Variants in AFF3 observed in about 807,000 individuals in gnomAD.
AFF3 encodes the protein AF4/FMR2 family member 3.
A neutral mutation model predicts 129.7 loss-of-function variants in AFF3; 32 were observed. That is an observed-to-expected ratio of 0.25 (90% CI 0.19 to 0.33). The LOEUF is 0.33. Among genes scored for constraint, AFF3 ranks in the 10% least tolerant of loss-of-function variants. The probability of loss-of-function intolerance (pLI) is 1.00; values close to 1 mark genes in which losing one functional copy is unlikely to be tolerated. For missense variants in AFF3, 1,373 were observed against 1,592.0 expected (o/e 0.86, Z 2.34); for synonymous variants, 644 against 635.4 (o/e 1.01, Z -0.20).
intron 4 of AFF3, among the ~76,000 whole-genome samples, chr2:100,011,986 C>A (rs149436087): frequency 1.8e-3 from 274 of 152,136 alleles, no homozygotes; most frequent in African/African-American, 6.1e-3. Context: ...GAAGGATACC[C>A]CAAAGCACTC....
At chr2:99,664,464 T>C (rs934636377) in intron 12 of AFF3, among the ~76,000 whole-genome samples, 6 of 152,270 alleles carry the variant, frequency 3.9e-5, no homozygotes, top group South Asian at 4.1e-4. Context: ...AGTTTCAATA[T>C]AGCTTGATGT....
intron 4 of AFF3, among the ~76,000 whole-genome samples, chr2:100,101,397 T>A (rs1690714938): frequency 6.7e-6 from 1 of 149,212 alleles, no homozygotes; most frequent in African/African-American, 2.5e-5. Context: ...TTCTTAGGGA[T>A]TAAGATTCTC....
chr2:99,803,103 T>C (rs943748090), intron 8 of AFF3, among the ~76,000 whole-genome samples: 6 of 152,306 alleles, frequency 3.9e-5, no homozygotes, highest in African/African-American at 1.4e-4. Flanking sequence ...ATGTGGCTTT[T>C]ATTATTTTGA....
intron 9 of AFF3, among the ~76,000 whole-genome samples, chr2:99,747,116 C>T (rs886835390): frequency 1.3e-5 from 2 of 150,570 alleles, no homozygotes; most frequent in Non-Finnish European, 1.5e-5. Context: ...GCAGCCTCCG[C>T]CTCCCAGGTT....
At chr2:100,000,989 C>T (rs1026919169) in intron 7 of AFF3, among the ~76,000 whole-genome samples, 1 of 152,202 alleles carries the variant, frequency 6.6e-6, no homozygotes, top group East Asian at 1.9e-4. Flanking sequence ...CACGGGATCA[C>T]ACATCACTTT....
intron 4 of AFF3, among the ~76,000 whole-genome samples, chr2:100,016,221 A>G (rs1210291680): frequency 1.6e-5 from 2 of 127,694 alleles, no homozygotes; most frequent in Admixed American, 7.8e-5. Context: ...TGGCAATGGT[A>G]GTGGCGGTGA....
chr2:100,107,596 CT>C, intron 2 of AFF3: 2 of 811,134 alleles, frequency 2.5e-6, no homozygotes, highest in Non-Finnish European at 3.0e-6. Context: ...AGCAACACCC[CT>C]GGGAGCTGAA....
At chr2:100,118,793 T>A (rs1169655634) in intron 2 of AFF3, among the ~76,000 whole-genome samples, 1 of 151,666 alleles carries the variant, frequency 6.6e-6, no homozygotes, top group African/African-American at 2.4e-5. Flanking sequence ...AATAACAAAT[T>A]CCAACTAAGG....
chr2:99,690,155 TTTATTATTATTATTATTATTATTATTA>T (rs200485697), intron 11 of AFF3, among the ~76,000 whole-genome samples: 1 of 123,016 alleles, frequency 8.1e-6, no homozygotes, highest in Non-Finnish European at 1.7e-5. Flanking sequence ...AACCACAATC[TTTATTATTATTATTATTATTATTATTA>T]TTATTATTAT....
chr2:100,052,057 TG>T (rs1218961204), intron 4 of AFF3, among the ~76,000 whole-genome samples: 1 of 151,914 alleles, frequency 6.6e-6, no homozygotes. Context: ...CTGCAGAGGG[TG>T]GGGGGCAGAA....
intron 4 of AFF3, among the ~76,000 whole-genome samples, chr2:100,022,900 G>C (rs1324709166): frequency 6.6e-6 from 1 of 152,174 alleles, no homozygotes; most frequent in Non-Finnish European, 1.5e-5. Flanking sequence ...GTGGGGTTGG[G>C]CATTTAGTTG....
intron 8 of AFF3, among the ~76,000 whole-genome samples, chr2:99,817,666 T>G (rs759634955): frequency 2.0e-5 from 3 of 152,176 alleles, no homozygotes; most frequent in African/African-American, 7.2e-5. Context: ...GGACTACAGG[T>G]GCATGCCACG....
chr2:99,562,696 T>C (rs1675579601), intron 20 of AFF3, among the ~76,000 whole-genome samples: 1 of 152,190 alleles, frequency 6.6e-6, no homozygotes, highest in African/African-American at 2.4e-5. Flanking sequence ...GTTCTTGGTA[T>C]GATGAGTGAG....
intron 7 of AFF3, among the ~76,000 whole-genome samples, chr2:99,995,873 G>GA (rs1050518077): frequency 6.6e-6 from 1 of 151,978 alleles, no homozygotes; most frequent in African/African-American, 2.4e-5. Flanking sequence ...AACTCAATGA[G>GA]AAAAAATATA....
At chr2:100,011,191 A>G (rs969020721) in intron 4 of AFF3, among the ~76,000 whole-genome samples, 12 of 152,116 alleles carry the variant, frequency 7.9e-5, no homozygotes, top group Non-Finnish European at 1.3e-4. Context: ...GGAGAACGGC[A>G]CGAACCCGGG....
intron 8 of AFF3, among the ~76,000 whole-genome samples, chr2:99,783,357 T>C (rs1684543511): frequency 6.6e-6 from 1 of 152,226 alleles, no homozygotes; most frequent in Non-Finnish European, 1.5e-5. Flanking sequence ...TGACGCACTG[T>C]CAGTGTCTGG....
chr2:99,903,409 T>C (rs189826474), intron 7 of AFF3, among the ~76,000 whole-genome samples: 19 of 152,278 alleles, frequency 1.2e-4, no homozygotes, highest in Non-Finnish European at 1.8e-4. Flanking sequence ...TAAGTGAATA[T>C]TCAAAACAAT....
intron 4 of AFF3, among the ~76,000 whole-genome samples, chr2:100,086,551 C>G (rs547014040): frequency 6.6e-6 from 1 of 152,208 alleles, no homozygotes; most frequent in Admixed American, 6.6e-5. Context: ...AAAAAGAATT[C>G]CCATATCTAA....
rs1256984074 is a variant in AFF3 at position 100,080,885 on chromosome 2, A to G, written c.53+23517T>C. ...GACTAAGTTGTACCCAGTAGCTGGC[A>G]ATCAGGATCAAGGAAGAGGCTACAA... On this transcript the variant is annotated intron_variant, in intron 4 of 24. Transcript: ENST00000672756. Among the ~76,000 whole-genome samples the G allele has an allele frequency of 1.8e-4, 28 of 152,236 alleles. No individual in the cohort carries two copies. In the East Asian group the frequency reaches 5.4e-3, roughly 29 times the overall value.
Sources: allele counts gnomAD v4.1 joint callset (sites outside exome capture counted in the v4.1 genomes callset), GRCh38; gene constraint gnomAD v4.1.1; transcripts MANE v1.5; gene names NCBI Gene and HGNC (gene_info 2026-07-23, HGNC 2026-07-21).